CCM2: variants seen among roughly 807,000 people sequenced by gnomAD.
CCM2 encodes the protein CCM2 scaffold protein.
Under a neutral mutation model 44.9 loss-of-function variants are expected in CCM2, and 25 were observed. The observed-to-expected ratio is 0.56, with a 90% CI of 0.41 to 0.78. The LOEUF (loss-of-function observed/expected upper bound fraction) is 0.78, where lower values mean the gene tolerates loss of function less well. Among genes scored for constraint, CCM2 ranks in the 30% least tolerant of loss-of-function variants. The pLI is 0.00. For missense variants in CCM2, 481 were observed against 580.6 expected, an observed-to-expected ratio of 0.83 and a Z score of 1.76; for synonymous variants, 219 against 241.1, an observed-to-expected ratio of 0.91 and a Z score of 0.85.
intron 9 of CCM2, among the ~76,000 whole-genome samples, 182 bp from the exon 10 acceptor site, chr7:45,075,595 G>C (rs975933943): frequency 6.6e-6 from 1 of 152,106 alleles, no homozygotes; most frequent in Non-Finnish European, 1.5e-5. Context: ...TAGCCAAACT[G>C]TCTGGCCCCA....
At position 45,076,145 on chromosome 7, in the gene CCM2, C is replaced by T; in HGVS notation, c.*88C>T. ...AGCTGCCCAGACCTGCGTGTCAGCC[C>T]TTGGTGGTGGCCAGGGAGAGGCGCC... On this transcript the variant is annotated 3_prime_UTR_variant, in exon 10 of 10. Coordinates refer to ENST00000258781, the MANE Select transcript of CCM2 (RefSeq NM_031443.4). 1 of 1,578,864 alleles carries T rather than the reference C, an allele frequency of 6.3e-7. No homozygotes were observed.
At chr7:45,062,502 G>A (rs1337342436) in intron 2 of CCM2, among the ~76,000 whole-genome samples, 1 of 152,210 alleles carries the variant, frequency 6.6e-6, no homozygotes, top group Admixed American at 6.5e-5. Flanking sequence ...GTTTTGTGCT[G>A]CTATAACAGA....
chr7:45,038,476 C>A, intron 2 of CCM2, 50 bp downstream of exon 2: 1 of 1,585,982 alleles, frequency 6.3e-7, no homozygotes, highest in South Asian at 1.1e-5. Flanking sequence ...CAGTGACGGT[C>A]ATGCTTGTAT....
At chr7:45,001,486 T>C (rs1795625946) in intron 1 of CCM2, among the ~76,000 whole-genome samples, 1 of 152,260 alleles carries the variant, frequency 6.6e-6, no homozygotes. Flanking sequence ...TAAAAGGAGT[T>C]AGCTGGAAAG....
intron 1 of CCM2, among the ~76,000 whole-genome samples, chr7:45,010,032 C>T (rs1457039172): frequency 6.6e-6 from 1 of 151,998 alleles, no homozygotes; most frequent in African/African-American, 2.4e-5. Flanking sequence ...GCCCCAGTCT[C>T]CTCAGTAGCT....
intron 4 of CCM2, among the ~76,000 whole-genome samples, chr7:45,067,375 C>A (rs1225549913): frequency 6.7e-6 from 1 of 149,314 alleles, no homozygotes. Context: ...GTTGGCCAGG[C>A]TGGTCTTGAA....
At chr7:45,028,133 G>A (rs1001467105) in intron 1 of CCM2, among the ~76,000 whole-genome samples, 4 of 152,164 alleles carry the variant, frequency 2.6e-5, no homozygotes, top group African/African-American at 7.2e-5. Flanking sequence ...ATTTGTGGTC[G>A]GGACCCAAGA....
chr7:45,069,717 T>G, intron 5 of CCM2, 109 bp from the exon 6 acceptor site: 1 of 1,398,190 alleles, frequency 7.2e-7, no homozygotes, highest in Non-Finnish European at 1.0e-6. Flanking sequence ...GTATCCACTC[T>G]TCATTCATGT....
At position 45,000,372 on chromosome 7, in the gene CCM2, G is replaced by A; in HGVS notation, c.30+9G>A. On this transcript the variant is annotated intron_variant, in intron 1 of 9. Coordinates refer to ENST00000258781, the MANE Select transcript of CCM2 (RefSeq NM_031443.4). ...GCAAGAAGGGCAAGAAGGTGAGCGTGCGCGGGGGCGTCCTACTGCTGTGGT... is the reference window on the plus strand; with the variant it reads ...GCAAGAAGGGCAAGAAGGTGAGCGTACGCGGGGGCGTCCTACTGCTGTGGT... 1 of 1,297,626 alleles carries A rather than the reference G, an allele frequency of 7.7e-7. No homozygotes were observed. Among genetic ancestry groups the A allele is most frequent in the South Asian group, 2.8e-5 (1 of 36,034 alleles). The allele number at this position is 1,297,626 out of a possible 1,614,324, so 80.4% of individuals were successfully genotyped here. A position where few individuals can be genotyped will look rare whatever the true frequency, so the allele number is the denominator to read the frequency against.
chr7:45,026,597 A>ATTTTT (rs747619583), intron 1 of CCM2, among the ~76,000 whole-genome samples: 24 of 114,400 alleles, frequency 2.1e-4, no homozygotes, highest in African/African-American at 3.4e-4. Flanking sequence ...CTCTAACCAG[A>ATTTTT]TTTTTTTTTT....
intron 4 of CCM2, among the ~76,000 whole-genome samples, chr7:45,066,575 C>CT (rs1403433316): frequency 6.6e-6 from 1 of 152,200 alleles, no homozygotes; most frequent in East Asian, 1.9e-4. Flanking sequence ...CAAAAGTACG[C>CT]TGGTATTTGG....
In CCM2 at chr7:45,004,960, C is replaced by T. The variant is rs563315054; in HGVS notation, c.30+4597C>T. Reference sequence around the variant, plus strand: ...GCAGTGAGCTGAGAATGTGCCATTGCGCTCCAGCCTGGGCGACAAGAGTAA... The same window carrying T: ...GCAGTGAGCTGAGAATGTGCCATTGTGCTCCAGCCTGGGCGACAAGAGTAA... On this transcript the variant is annotated intron_variant, in intron 1 of 9. Transcript: ENST00000258781. Among the ~76,000 whole-genome samples the T allele has an allele frequency of 4.7e-5, 7 of 149,780 alleles. No individual in the cohort carries two copies. The South Asian group carries it at 1.1e-3, about 23-fold the overall frequency.
chr7:45,054,762 GC>G (rs1798179291), intron 2 of CCM2, among the ~76,000 whole-genome samples: 1 of 152,198 alleles, frequency 6.6e-6, no homozygotes. Context: ...CTCTCTTGTA[GC>G]TGTGCTCTTG....
rs570025135 is a variant in CCM2, at chr7:45,043,160, A to C, written c.204+4734A>C. Among the ~76,000 whole-genome samples the C allele has an allele frequency of 2.0e-5, 3 of 151,886 alleles. No homozygotes were observed. In the South Asian group the frequency reaches 6.2e-4, roughly 32 times the overall value. On this transcript the variant is annotated intron_variant, in intron 2 of 9. Transcript: ENST00000258781. The stretch of plus-strand genomic sequence containing the variant: ...GCTAATTTTTTATTTTGTAGAGATG[A>C]GGTCTCACTGTGTTGACCAGGCTGT...
At chr7:45,014,381 C>A (rs562905200) in intron 1 of CCM2, among the ~76,000 whole-genome samples, 10 of 152,212 alleles carry the variant, frequency 6.6e-5, no homozygotes, top group African/African-American at 1.9e-4. Flanking sequence ...CCTCGTGATC[C>A]GCCCACCTCG....
intron 6 of CCM2, 161 bp from the exon 7 acceptor site, chr7:45,072,565 C>T: frequency 1.4e-6 from 1 of 699,976 alleles, no homozygotes; most frequent in South Asian, 1.5e-5. Flanking sequence ...CCCTGAGGCA[C>T]ACAGCACATT....
intron 1 of CCM2, among the ~76,000 whole-genome samples, chr7:45,026,597 A>ATTTTTTTT (rs747619583): frequency 7.0e-5 from 8 of 114,420 alleles, no homozygotes; most frequent in African/African-American, 2.0e-4. Flanking sequence ...CTCTAACCAG[A>ATTTTTTTT]TTTTTTTTTT....
At chr7:45,065,343 T>C (rs1583972565) in intron 4 of CCM2, among the ~76,000 whole-genome samples, 1 of 152,332 alleles carries the variant, frequency 6.6e-6, no homozygotes, top group East Asian at 1.9e-4. Context: ...CTCCCAGTCC[T>C]GAGTTTCGAG....
At chr7:45,071,760 G>C (rs1013848625) in intron 6 of CCM2, 3 of 456,640 alleles carry the variant, frequency 6.6e-6, no homozygotes, top group Non-Finnish European at 1.3e-5. Flanking sequence ...CCAGCCACGT[G>C]ACCTCTTCCA....
Sources: allele counts gnomAD v4.1 joint callset (sites outside exome capture counted in the v4.1 genomes callset), GRCh38; gene constraint gnomAD v4.1.1; transcripts MANE v1.5; gene names NCBI Gene and HGNC (gene_info 2026-07-23, HGNC 2026-07-21).